Variants in AKNA observed in about 807,000 individuals in gnomAD.
AKNA encodes microtubule organization protein AKNA.
In AKNA, 67 loss-of-function variants were observed where a neutral mutation model predicts 138.8. That is an observed-to-expected ratio of 0.48 (90% confidence interval 0.40 to 0.59). The LOEUF is 0.59. Ranked by LOEUF, AKNA falls within the 20% of genes least tolerant of loss-of-function variation. The pLI is 0.00. For missense variants in AKNA, 1,813 were observed against 1,880.4 expected, an observed-to-expected ratio of 0.96 and a Z score of 0.66; for synonymous variants, 737 against 754.4, an observed-to-expected ratio of 0.98 and a Z score of 0.38.
At chr9:114,360,140 C>G (rs750926751) in intron 9 of AKNA, 78 bp from the exon 10 acceptor site, 1 of 1,589,032 alleles carries the variant, frequency 6.3e-7, no homozygotes, top group Non-Finnish European at 8.6e-7. Context: ...TCCTGCCAGG[C>G]TCGAGCTGTG....
intron 4 of AKNA, among the ~76,000 whole-genome samples, chr9:114,372,142 G>C (rs943594963): frequency 2.6e-5 from 4 of 152,192 alleles, no homozygotes; most frequent in African/African-American, 9.7e-5. Flanking sequence ...GTAGAGCCCT[G>C]AATGGTGCTC....
Position 114,341,642 on chromosome 9 carries a change from G to A in AKNA, c.3958C>T (p.Arg1320Cys), listed in dbSNP as rs532888990. Residue 1320 changes from arginine to cysteine, a missense_variant, in exon 21 of 22, where the codon CGC (arginine) becomes TGC (cysteine). Arg to Cys is a radical substitution (Grantham distance 180). Transcript: ENST00000374088. ...QRSKQAGSSP[R>C]PPPGLWYLAT... The stretch of plus-strand genomic sequence containing the variant: ...AGATACCACAGTCCGGGGGGTGGGC[G>A]TGGCGACGACCCCGCCTGCTTGCTC... 1.3e-5 allele frequency: 21 copies of A among 1,610,560 alleles called. No individual in the cohort carries two copies. In the East Asian group the frequency reaches 2.5e-4, roughly 19 times the overall value.
upstream of AKNA, among the ~76,000 whole-genome samples, chr9:114,395,882 G>A (rs955424040): frequency 6.6e-6 from 1 of 151,994 alleles, no homozygotes; most frequent in Non-Finnish European, 1.5e-5. Context: ...GGAAGAGATG[G>A]GCACAATCCA....
intron 14 of AKNA, among the ~76,000 whole-genome samples, chr9:114,352,683 G>A (rs1831212715): frequency 6.6e-6 from 1 of 152,116 alleles, no homozygotes; most frequent in African/African-American, 2.4e-5. Context: ...AGCACTTTGG[G>A]AGGCCGAGGC....
In AKNA at chr9:114,359,950, C is replaced by A. The variant is rs201036834; in HGVS notation, c.2237G>T (p.Arg746Leu). Residue 746 changes from arginine (R) to leucine (L), a missense_variant, in exon 10 of 22, where the codon CGA (arginine) becomes CTA (leucine). Transcript: ENST00000374088. ...VEDRPQDPLARLRHKELQMEQ... is the reference protein window; with the variant it reads ...VEDRPQDPLALLRHKELQMEQ... ...CATCTGCAGCTCCTTGTGCCTGAGT[C>A]GGGCCAGGGGGTCCTGTGGCCTGTC... 1.2e-6 allele frequency: 2 copies of A among 1,614,204 alleles called. No homozygotes were observed. Among genetic ancestry groups the A allele is most frequent in the Non-Finnish European group, 1.7e-6 (2 of 1,180,024 alleles).
In AKNA at chr9:114,367,654, G is replaced by T; in HGVS notation, c.1617C>A (p.Thr539=). The change falls in exon 6 of 22, where the codon ACC becomes ACA. Residue 539 remains threonine, a synonymous_variant. Coordinates refer to ENST00000374088, the MANE Select transcript of AKNA (RefSeq NM_001317950.2). ...ARGDLSPSSL[T]SMPTLGWLPE... ...GAAGCCACCCCAGGGTGGGCATGCT[G>T]GTAAGCGAGGAGGGGCTCAAGTCTC... 6.3e-7 allele frequency: 1 copy of T among 1,598,274 alleles called. No homozygotes were observed. The highest frequency in any genetic ancestry group is 1.1e-5 in the South Asian group (1 of 90,630).
At chr9:114,344,056 C>G in intron 18 of AKNA, 1 of 391,436 alleles carries the variant, frequency 2.6e-6, no homozygotes, top group Non-Finnish European at 4.6e-6. Context: ...TCTCCAGACT[C>G]CTATTCTGTT....
At chr9:114,369,713 TCAC>T (rs1371946991) in intron 4 of AKNA, among the ~76,000 whole-genome samples, 2 of 151,950 alleles carry the variant, frequency 1.3e-5, no homozygotes, top group African/African-American at 4.8e-5. Flanking sequence ...ATCAGCATCA[TCAC>T]CACCACTGTC....
intron 17 of AKNA, 62 bp downstream of exon 17, chr9:114,346,607 C>T (rs1830705303): frequency 7.4e-7 from 1 of 1,342,660 alleles, no homozygotes. Flanking sequence ...GGTCCCTGAC[C>T]ACTGAGCCAA....
upstream of AKNA, among the ~76,000 whole-genome samples, chr9:114,394,945 G>C (rs975562836): frequency 1.3e-5 from 2 of 152,196 alleles, no homozygotes; most frequent in Non-Finnish European, 2.9e-5. Flanking sequence ...AAAAAGCTGA[G>C]CTGGCAGTGG....
intron 1 of AKNA, among the ~76,000 whole-genome samples, chr9:114,387,361 G>C (rs1271743504): frequency 1.3e-5 from 2 of 152,182 alleles, no homozygotes; most frequent in African/African-American, 2.4e-5. Flanking sequence ...TGCCAGCTCT[G>C]GTCTTGCCAT....
intron 4 of AKNA, among the ~76,000 whole-genome samples, chr9:114,372,045 G>A (rs1368045945): frequency 6.6e-6 from 1 of 152,190 alleles, no homozygotes; most frequent in Non-Finnish European, 1.5e-5. Flanking sequence ...GCACATAGGA[G>A]CTGCAAGCCT....
upstream of AKNA, among the ~76,000 whole-genome samples, chr9:114,397,110 C>T (rs999654317): frequency 6.6e-6 from 1 of 152,180 alleles, no homozygotes. Flanking sequence ...AAATGCAAAC[C>T]GGCTGGACTT....
In AKNA at chr9:114,362,483, C is replaced by T; in HGVS notation, c.1839G>A (p.Leu613=). 1.2e-6 allele frequency: 2 copies of T among 1,613,470 alleles called. No individual in the cohort carries two copies. The highest frequency in any genetic ancestry group is 8.5e-7 in the Non-Finnish European group (1 of 1,179,804). The change falls in exon 8 of 22, where the codon CTG becomes CTA. Residue 613 remains leucine (L), a synonymous_variant. Coordinates refer to ENST00000374088, the MANE Select transcript of AKNA (RefSeq NM_001317950.2). ...CAGGGTGTTGCTCCCGACAAGCCTT[C>T]AGGTACTCCTCCTCTAGGGCCGCGT... is the stretch of plus-strand genomic sequence containing the variant. The part of the protein sequence containing the change: ...AAHAALEEEY[L]KACREQHPAQ...
intron 1 of AKNA, 110 bp from the exon 2 acceptor site, chr9:114,381,556 G>A (rs1833674334): frequency 3.6e-6 from 4 of 1,123,456 alleles, no homozygotes; most frequent in Non-Finnish European, 4.5e-6. Flanking sequence ...TTCAACTCCT[G>A]GTTGTGTCCT....
intron 4 of AKNA, among the ~76,000 whole-genome samples, chr9:114,373,321 TCTC>T (rs1170689855): frequency 1.3e-4 from 20 of 151,852 alleles, no homozygotes; most frequent in African/African-American, 3.4e-4. Context: ...CCCCCTCTGC[TCTC>T]CTCCTGCCCC....
chr9:114,379,691 A>G (rs1478851536), intron 2 of AKNA, among the ~76,000 whole-genome samples: 4 of 152,214 alleles, frequency 2.6e-5, no homozygotes, highest in African/African-American at 9.6e-5. Context: ...ATTCTCCACG[A>G]TATGATTCCT....
chr9:114,381,456 A>G lies in AKNA; in HGVS notation c.-113-10T>C. The stretch of plus-strand genomic sequence containing the variant: ...CCATCCTGCCTGTGCCCTGTCAGGG[A>G]CACATTCAAGAGAGAACATTAATCA... On this transcript the variant is annotated splice_polypyrimidine_tract_variant and intron_variant, in intron 1 of 21. Coordinates refer to ENST00000374088, the MANE Select transcript of AKNA (RefSeq NM_001317950.2). The G allele has an allele frequency of 7.0e-7, 1 of 1,428,032 alleles. No individual in the cohort carries two copies. Among genetic ancestry groups the G allele is most frequent in the Non-Finnish European group, 9.1e-7 (1 of 1,095,340 alleles). The allele number at this position is 1,428,032 out of a possible 1,614,324, so 88.5% of individuals were successfully genotyped here.
chr9:114,391,933 T>C (rs1423294396), upstream of AKNA, among the ~76,000 whole-genome samples: 1 of 147,918 alleles, frequency 6.8e-6, no homozygotes, highest in African/African-American at 2.5e-5. Context: ...GCTTGATGAC[T>C]TTCACCCTTT....
Sources: allele counts gnomAD v4.1 joint callset (sites outside exome capture counted in the v4.1 genomes callset), GRCh38; gene constraint gnomAD v4.1.1; transcripts MANE v1.5; gene names NCBI Gene and HGNC (gene_info 2026-07-23, HGNC 2026-07-21).